Variants in KIN observed in about 807,000 individuals in gnomAD.
The protein encoded by KIN is DNA/RNA-binding protein KIN17.
A neutral mutation model predicts 63.0 loss-of-function variants in KIN; 47 were observed. The ratio of observed to expected loss-of-function variants is 0.75; its 90% CI spans 0.59 to 0.95. KIN has a LOEUF of 0.95. KIN is among the 40% of genes least tolerant of loss of function. The pLI is 0.00. For synonymous variants in KIN, 160 were observed against 157.7 expected (o/e 1.01, Z -0.11); for missense variants, 408 against 460.9 (o/e 0.89, Z 1.05).
chr10:7,756,927 C>T (rs1276777632), intron 12 of KIN, among the ~76,000 whole-genome samples: 4 of 152,024 alleles, frequency 2.6e-5, no homozygotes, highest in Admixed American at 6.6e-5. Flanking sequence ...ATCACAAAAG[C>T]GGATATAACC....
chr10:7,783,032 G>A (rs543763132), intron 2 of KIN, 49 bp downstream of exon 2: 2 of 922,336 alleles, frequency 2.2e-6, no homozygotes, highest in African/African-American at 1.7e-5. Flanking sequence ...TCTATTAAAT[G>A]TTCAACTGAA....
Position 7,780,168 on chromosome 10 carries a change from C to T in KIN, c.264G>A (p.Arg88=), listed in dbSNP as rs1429864926. 3 of 1,612,052 alleles carry T rather than the reference C, an allele frequency of 1.9e-6. No homozygotes were observed. Among genetic ancestry groups the T allele is most frequent in the Non-Finnish European group, 2.5e-6 (3 of 1,179,230 alleles). The part of the protein sequence containing the change: ...ELLRRRFGTK[R]VHNNIVYNEY... ...CGTTGTAGACAATGTTGTTGTGGAC[C>T]CTTTTAGTGCCTGAGAACAAAATAT... Residue 88 remains arginine (R), a synonymous_variant, in exon 4 of 13, where the codon AGG becomes AGA. Coordinates refer to ENST00000379562, the MANE Select transcript of KIN (RefSeq NM_012311.4).
intron 5 of KIN, among the ~76,000 whole-genome samples, chr10:7,778,542 C>T (rs868787260): frequency 6.6e-6 from 1 of 152,108 alleles, no homozygotes; most frequent in African/African-American, 2.4e-5. Context: ...AGTTGGAGAC[C>T]GGCCTGACCA....
chr10:7,776,895 TAA>T (rs79346729), intron 5 of KIN, among the ~76,000 whole-genome samples: 5 of 140,146 alleles, frequency 3.6e-5, no homozygotes, highest in East Asian at 2.1e-4. Context: ...CCATCTCTAT[TAA>T]AAAAAAAAAA....
In KIN at chr10:7,769,270, T is replaced by C; in HGVS notation, c.744A>G (p.Ser248=). The stretch of plus-strand genomic sequence containing the variant: ...TTTTCTTCTTTTCTTTAGACTGAGT[T>C]GAGCTCTGGGAAGATTCTTTTCGTT... The part of the protein sequence containing the change: ...SVKRKESSQS[S]TQSKEKKKKK... The change falls in exon 8 of 13, where the codon TCA becomes TCG. Residue 248 remains serine (S), a synonymous_variant. Coordinates refer to ENST00000379562, the MANE Select transcript of KIN (RefSeq NM_012311.4). 1 of 1,613,668 alleles carries C rather than the reference T, an allele frequency of 6.2e-7. No individual in the cohort carries two copies. Among genetic ancestry groups the C allele is most frequent in the South Asian group, 1.1e-5 (1 of 91,066 alleles).
intron 8 of KIN, among the ~76,000 whole-genome samples, chr10:7,767,018 A>C (rs1219129873): frequency 1.4e-5 from 2 of 146,606 alleles, no homozygotes; most frequent in Admixed American, 6.8e-5. Flanking sequence ...GTGACACTCC[A>C]TCTCAAAAAA....
Sources: allele counts gnomAD v4.1 joint callset (sites outside exome capture counted in the v4.1 genomes callset), GRCh38; gene constraint gnomAD v4.1.1; transcripts MANE v1.5; gene names NCBI Gene and HGNC (gene_info 2026-07-23, HGNC 2026-07-21).